The following KIAA1217 variants were observed in gnomAD, a reference collection of about 807,000 sequenced individuals.
KIAA1217 encodes sickle tail protein homolog.
A neutral mutation model predicts 163.9 loss-of-function variants in KIAA1217; 88 were observed. The ratio of observed to expected loss-of-function variants is 0.54; its 90% CI spans 0.45 to 0.64. KIAA1217 has a LOEUF of 0.64. KIAA1217 is among the 30% of genes least tolerant of loss of function. The pLI, the probability that KIAA1217 is intolerant of heterozygous loss-of-function variation, is 0.00. For missense variants in KIAA1217, 2,372 were observed against 2,475.0 expected, an observed-to-expected ratio of 0.96 and a Z score of 0.88; for synonymous variants, 903 against 923.1, an observed-to-expected ratio of 0.98 and a Z score of 0.39.
At chr10:23,934,506 CTT>C (rs201429714) in intron 1 of KIAA1217, among the ~76,000 whole-genome samples, 23 of 98,372 alleles carry the variant, frequency 2.3e-4, no homozygotes, top group Middle Eastern at 6.0e-3. Flanking sequence ...TCTTTCTTTT[CTT>C]TTTTTTTTTT....
intron 2 of KIAA1217, among the ~76,000 whole-genome samples, chr10:24,122,340 T>C (rs1225387466): frequency 6.6e-6 from 1 of 152,226 alleles, no homozygotes; most frequent in Non-Finnish European, 1.5e-5. Flanking sequence ...TTCTTTTTTA[T>C]GGCTGTGTAG....
intron 1 of KIAA1217, among the ~76,000 whole-genome samples, chr10:23,852,835 A>G (rs1355697727): frequency 6.6e-6 from 1 of 152,106 alleles, no homozygotes; most frequent in Non-Finnish European, 1.5e-5. Context: ...CTGGTGTATA[A>G]GAATGCTTGT....
chr10:24,227,577 G>A (rs1189348273), intron 2 of KIAA1217, among the ~76,000 whole-genome samples: 1 of 150,950 alleles, frequency 6.6e-6, no homozygotes, highest in East Asian at 2.0e-4. Flanking sequence ...CTGTTGCCCA[G>A]GCTGGAGTGC....
chr10:23,788,237 T>G (rs999749), intron 1 of KIAA1217, among the ~76,000 whole-genome samples: 41,300 of 151,976 alleles, frequency 0.27, 6,097 homozygotes, highest in African/African-American at 0.38. Flanking sequence ...AACCATAACT[T>G]GTTATTTGAG....
intron 1 of KIAA1217, among the ~76,000 whole-genome samples, chr10:23,830,990 C>T (rs752887203): frequency 1.3e-5 from 2 of 152,082 alleles, no homozygotes; most frequent in African/African-American, 4.8e-5. Flanking sequence ...GGAAAGGATT[C>T]GGGTGAGCAG....
chr10:24,168,525 C>G (rs1384281484), intron 2 of KIAA1217, among the ~76,000 whole-genome samples: 12 of 152,174 alleles, frequency 7.9e-5, no homozygotes. Flanking sequence ...CCATTCTCTC[C>G]CTACATGGGA....
Position 23,809,987 on chromosome 10 carries a change from A to G in KIAA1217, c.-321+114753A>G, listed in dbSNP as rs537448765. Among the ~76,000 whole-genome samples, 39 of 152,154 alleles carry G rather than the reference A, an allele frequency of 2.6e-4. 1 individual carries two copies. Among genetic ancestry groups the G allele is most frequent in the African/African-American group, 9.4e-4 (39 of 41,544 alleles). ...CTTTCAGTATAGTATTGAATAAATT[A>G]CATGAGATATTCAACACTTTATTAT... is the stretch of plus-strand genomic sequence containing the variant. On this transcript the variant is annotated intron_variant, in intron 1 of 18. Transcript: ENST00000376462.
intron 1 of KIAA1217, among the ~76,000 whole-genome samples, chr10:23,867,377 G>T (rs1357569056): frequency 6.6e-6 from 1 of 151,958 alleles, no homozygotes; most frequent in African/African-American, 2.4e-5. Context: ...GTAATGGGAT[G>T]GCTGGGTCAA....
chr10:23,898,985 A>G (rs747209219), intron 1 of KIAA1217, among the ~76,000 whole-genome samples: 2 of 152,094 alleles, frequency 1.3e-5, no homozygotes, highest in Non-Finnish European at 2.9e-5. Flanking sequence ...TGATGTGTAT[A>G]GCTGTTGTTG....
At chr10:24,437,665 G>A (rs1466227531) in intron 4 of KIAA1217, among the ~76,000 whole-genome samples, 2 of 152,134 alleles carry the variant, frequency 1.3e-5, no homozygotes, top group Non-Finnish European at 2.9e-5. Context: ...CTCTGATCCT[G>A]TCTTTTGCTA....
intron 2 of KIAA1217, among the ~76,000 whole-genome samples, chr10:24,287,568 A>G (rs905867728): frequency 1.3e-5 from 2 of 152,182 alleles, no homozygotes; most frequent in East Asian, 1.9e-4. Context: ...AAAAAATACT[A>G]TGTTCTTTCA....
At chr10:24,253,654 C>A (rs1356077852) in intron 2 of KIAA1217, among the ~76,000 whole-genome samples, 1 of 151,950 alleles carries the variant, frequency 6.6e-6, no homozygotes, top group Admixed American at 6.6e-5. Flanking sequence ...ATCTCTTGAA[C>A]CTGGGAGGTA....
intron 2 of KIAA1217, among the ~76,000 whole-genome samples, chr10:24,254,380 G>T (rs530580069): frequency 1.3e-5 from 2 of 152,344 alleles, no homozygotes; most frequent in East Asian, 3.9e-4. Context: ...GTGAGTGCCA[G>T]AGCCAGCTCG....
At position 24,546,221 on chromosome 10, in the gene KIAA1217, C is replaced by A; in HGVS notation, c.5729C>A (p.Ala1910Asp). 6.2e-7 allele frequency: 1 copy of A among 1,614,192 alleles called. No individual in the cohort carries two copies. The highest frequency in any genetic ancestry group is 8.5e-7 in the Non-Finnish European group (1 of 1,180,042). The change falls in exon 21 of 21, where the codon GCC becomes GAC. Residue 1910 changes from alanine (A) to aspartate (D), a missense_variant. By Grantham distance (126) the Ala-to-Asp change is moderately radical. This residue lies in a region of KIAA1217 where 690 missense variants were observed against 677.5 expected (regional missense o/e 1.02). Coordinates refer to ENST00000376454, the MANE Select transcript of KIAA1217 (RefSeq NM_019590.5). The part of the protein sequence containing the change: ...PASSVSLNQG[A>D]KGTRTIHTPS... ...TCCTCCGTCTCACTGAATCAAGGTGCCAAGGGCACCAGGACCATCCATACT... is the reference window on the plus strand; with the variant it reads ...TCCTCCGTCTCACTGAATCAAGGTGACAAGGGCACCAGGACCATCCATACT...
chr10:23,787,096 A>T (rs1008814851), intron 1 of KIAA1217, among the ~76,000 whole-genome samples: 1 of 152,240 alleles, frequency 6.6e-6, no homozygotes, highest in Non-Finnish European at 1.5e-5. Context: ...TCCACAAGAT[A>T]GTAAAAATGC....
At chr10:24,160,684 C>G (rs2065080269) in intron 2 of KIAA1217, among the ~76,000 whole-genome samples, 1 of 152,162 alleles carries the variant, frequency 6.6e-6, no homozygotes, top group Non-Finnish European at 1.5e-5. Flanking sequence ...TATAATGAGG[C>G]TGAAAATGTG....
intron 2 of KIAA1217, among the ~76,000 whole-genome samples, chr10:24,080,375 C>A (rs888114991): frequency 1.3e-5 from 2 of 152,114 alleles, no homozygotes; most frequent in Admixed American, 6.5e-5. Flanking sequence ...GAAGAAGGGA[C>A]CCTCTGTCCT....
In KIAA1217 at chr10:24,547,213, A is replaced by T. The variant is rs917165685; in HGVS notation, c.*889A>T. ...TCTGTACGGTTCTGTAAACCGAAAA[A>T]CTTTTGTAAATATATAAATATACAT... is the stretch of plus-strand genomic sequence containing the variant. On this transcript the variant is annotated 3_prime_UTR_variant, in exon 21 of 21. Coordinates refer to ENST00000376454, the MANE Select transcript of KIAA1217 (RefSeq NM_019590.5). The T allele has an allele frequency of 2.0e-5, 3 of 152,414 alleles. No individual in the cohort carries two copies. Among genetic ancestry groups the T allele is most frequent in the Non-Finnish European group, 4.4e-5 (3 of 67,990 alleles). 9.4% of individuals were successfully genotyped at this position (152,414 alleles called of 1,614,324 possible).
Position 23,736,091 on chromosome 10 carries a change from T to A in KIAA1217, c.-321+40857T>A, listed in dbSNP as rs139296926. Among the ~76,000 whole-genome samples, 181 of 152,328 alleles carry A rather than the reference T, an allele frequency of 1.2e-3. 13 individuals carry two copies. In the East Asian group the frequency reaches 0.028, roughly 24 times the overall value. On this transcript the variant is annotated intron_variant, in intron 1 of 18. Coordinates refer to the KIAA1217 transcript ENST00000376462. ...GTATGAGAGTTTCATCATGATACAT[T>A]TTTATGAACACACATTCTTAATTTT...
Sources: gnomAD v4.1 joint callset for allele counts (sites outside exome capture counted in the v4.1 genomes callset) on GRCh38, gnomAD v4.1.1 for gene constraint, gnomAD v4.1.1 regional missense constraint, MANE v1.5 for transcripts, NCBI Gene and HGNC (gene_info 2026-07-23, HGNC 2026-07-21) for gene names.